The following PELP1 variants were observed in gnomAD, a reference collection of about 807,000 sequenced individuals.
The protein encoded by PELP1 is proline, glutamate and leucine rich protein 1.
PELP1 carries 32 observed loss-of-function variants against 95.5 expected under a neutral mutation model. That is an observed-to-expected ratio of 0.34 (90% CI 0.25 to 0.45). The LOEUF is 0.45. Ranked by LOEUF, PELP1 falls within the 20% of genes least tolerant of loss-of-function variation. The pLI, the probability that PELP1 is intolerant of heterozygous loss-of-function variation, is 1.00. For synonymous variants in PELP1, 668 were observed against 600.1 expected (o/e 1.11, Z -1.65); for missense variants, 1,358 against 1,444.8 (o/e 0.94, Z 0.97).
chr17:4,692,080 T>C (rs974037845), intron 1 of PELP1, among the ~76,000 whole-genome samples: 1 of 152,068 alleles, frequency 6.6e-6, no homozygotes, highest in African/African-American at 2.4e-5. Context: ...ACACATACAC[T>C]ATGCATGAGG....
intron 3 of PELP1, among the ~76,000 whole-genome samples, chr17:4,684,047 A>G (rs9899501): frequency 0.98 from 148,614 of 151,994 alleles, 72,738 homozygotes; most frequent in Middle Eastern, 1. Flanking sequence ...GTTGTTGCTA[A>G]CTGGCTCAAA....
chr17:4,682,636 C>T, intron 4 of PELP1, 63 bp from the exon 5 acceptor site: 2 of 1,472,270 alleles, frequency 1.4e-6, no homozygotes, highest in South Asian at 1.1e-5. Flanking sequence ...ATTCCATCTC[C>T]CCCAGCACCC....
intron 1 of PELP1, among the ~76,000 whole-genome samples, chr17:4,703,605 T>C (rs1913637896): frequency 6.6e-6 from 1 of 152,186 alleles, no homozygotes; most frequent in East Asian, 1.9e-4. Flanking sequence ...TGACCGGGCC[T>C]GGAACCTAAT....
At chr17:4,696,828 A>G (rs1451138656) in intron 1 of PELP1, 1 of 152,204 alleles carries the variant, frequency 6.6e-6, no homozygotes, top group Non-Finnish European at 1.5e-5. Flanking sequence ...AGAAGGGTCC[A>G]AGATAATGCC....
At chr17:4,674,725 C>A in intron 12 of PELP1, 56 bp from the exon 13 acceptor site, 1 of 1,586,876 alleles carries the variant, frequency 6.3e-7, no homozygotes, top group South Asian at 1.1e-5. Context: ...GGCAAGACAG[C>A]CACAGCAGAC....
At position 4,671,889 on chromosome 17, in the gene PELP1, C is replaced by G. The variant is rs1373822368; in HGVS notation, c.3102G>C (p.Gln1034His). 1.3e-6 allele frequency: 2 copies of G among 1,514,612 alleles called. No individual in the cohort carries two copies. The highest frequency in any genetic ancestry group is 1.8e-6 in the Non-Finnish European group (2 of 1,135,166). 93.8% of individuals were successfully genotyped at this position (1,514,612 alleles called of 1,614,324 possible). ...TTTCCCCTTCCCTCTCCACCTCTCC[C>G]TGGGAGGGGAGCGCTTCAGGGGCCA... ...PTLAPEALPS[Q>H]GEVEREGESP... is the part of the protein sequence containing the mutation. Residue 1034 changes from glutamine to histidine, a missense_variant, in exon 16 of 17, where the codon CAG becomes CAC. Transcript: ENST00000572293.
rs1357181876 is a variant in PELP1, at chr17:4,674,949, G to A, written c.1282C>T (p.Arg428Trp). The A allele has an allele frequency of 1.9e-6, 3 of 1,610,936 alleles. No homozygotes were observed. Among genetic ancestry groups the A allele is most frequent in the Non-Finnish European group, 2.5e-6 (3 of 1,177,832 alleles). ...TCTAATATCGCATACACCTTGGTCC[G>A]AACCGTGCTGTGTCATGAGCAAAGA... ...PGQERPYSTVRTKVYAILELW... is the reference protein window; with the variant it reads ...PGQERPYSTVWTKVYAILELW... The change falls in exon 12 of 17, where the codon CGG becomes TGG. Residue 428 changes from arginine to tryptophan, a missense_variant. By Grantham distance (101) the Arg-to-Trp change is moderately radical. Around this residue, in one of 7 missense-constraint regions of PELP1, gnomAD observed 538 missense variants for 628.1 expected, o/e 0.86. Coordinates refer to ENST00000572293, the MANE Select transcript of PELP1 (RefSeq NM_014389.3).
chr17:4,697,624 TAA>T (rs1473752880), intron 1 of PELP1, among the ~76,000 whole-genome samples: 1 of 152,206 alleles, frequency 6.6e-6, no homozygotes, highest in African/African-American at 2.4e-5. Flanking sequence ...ATGGTAGCGA[TAA>T]GTCAAATATG....
chr17:4,686,247 C>G (rs1267243360), intron 3 of PELP1, among the ~76,000 whole-genome samples: 2 of 152,172 alleles, frequency 1.3e-5, no homozygotes, highest in South Asian at 4.1e-4. Context: ...TTTCTTCCCA[C>G]ACCTCCAAAC....
In PELP1 at chr17:4,675,253, A is replaced by G; in HGVS notation, c.1157+21T>C. 3.1e-6 allele frequency: 5 copies of G among 1,590,530 alleles called. No individual in the cohort carries two copies. The highest frequency in any genetic ancestry group is 4.3e-6 in the Non-Finnish European group (5 of 1,168,764). On this transcript the variant is annotated intron_variant, in intron 10 of 16. Coordinates refer to ENST00000572293, the MANE Select transcript of PELP1 (RefSeq NM_014389.3). The surrounding 1 kb of genome is among the most constrained non-coding windows in gnomAD (Gnocchi z 4.3). The stretch of plus-strand genomic sequence containing the variant: ...CTGGCACGCCCTATCCCTTCACCAC[A>G]GCCAGCCCAATCCCACTCACGCGAG...
At chr17:4,698,181 G>A (rs978378095) in intron 1 of PELP1, among the ~76,000 whole-genome samples, 2 of 151,904 alleles carry the variant, frequency 1.3e-5, no homozygotes, top group African/African-American at 4.8e-5. Context: ...TATTCTTGCT[G>A]AAAACGCACA....
chr17:4,671,358 G>C lies in PELP1; in HGVS notation c.*81C>G. 1.2e-6 allele frequency: 1 copy of C among 811,230 alleles called. No individual in the cohort carries two copies. 50.3% of individuals were successfully genotyped at this position (811,230 alleles called of 1,614,324 possible). A position where few individuals can be genotyped will look rare whatever the true frequency, so the allele number is the denominator to read the frequency against. ...ACTTGAGCTTCTGGCTGGGGACCCA[G>C]GTGTGGCAAAAGGCAGAAGCAGCAG... is the stretch of plus-strand genomic sequence containing the variant. On this transcript the variant is annotated 3_prime_UTR_variant, in exon 17 of 17. Transcript: ENST00000572293.
intron 1 of PELP1, among the ~76,000 whole-genome samples, chr17:4,702,401 A>G (rs1913576205): frequency 6.6e-6 from 1 of 152,106 alleles, no homozygotes; most frequent in Non-Finnish European, 1.5e-5. Context: ...CCTGGGTGAC[A>G]GAGTAAGACC....
At position 4,673,370 on chromosome 17, in the gene PELP1, G is replaced by A. The variant is rs753032441; in HGVS notation, c.1725C>T (p.Cys575=). 2 of 1,596,478 alleles carry A rather than the reference G, an allele frequency of 1.3e-6. No individual in the cohort carries two copies. The highest frequency in any genetic ancestry group is 2.3e-5 in the South Asian group (2 of 88,308). ...GCAGCAGGCAGTAGAGTTCACGGCG[G>A]CAGCGGGAGCTCGTGTACGGGGAGC... The part of the protein sequence containing the change: ...LGSSPYTSSR[C]RRELYCLLLA... Residue 575 remains cysteine (C), a synonymous_variant, in exon 15 of 17, where the codon TGC becomes TGT. Transcript: ENST00000572293. The surrounding 1 kb of genome is among the most constrained non-coding windows in gnomAD (Gnocchi z 5.7).
rs868242387 is a variant in PELP1 at position 4,672,514 on chromosome 17, T to C, written c.2477A>G (p.Lys826Arg). The C allele has an allele frequency of 6.4e-7, 1 of 1,556,824 alleles. No individual in the cohort carries two copies. The highest frequency in any genetic ancestry group is 2.4e-5 in the East Asian group (1 of 41,932). The change falls in exon 16 of 17, where the codon AAG (lysine) becomes AGG (arginine). Residue 826 changes from lysine to arginine, a missense_variant. Transcript: ENST00000572293. The stretch of plus-strand genomic sequence containing the variant: ...TGCAGGAAGTTCTTCAGGCTCCTCC[T>C]TCGCTGGCACAGGAGGGGAGGCTGT... The part of the protein sequence containing the change: ...PPTASPPVPA[K>R]EEPEELPAAP...
At chr17:4,702,896 C>T (rs1913600269) in intron 1 of PELP1, among the ~76,000 whole-genome samples, 1 of 151,938 alleles carries the variant, frequency 6.6e-6, no homozygotes, top group Non-Finnish European at 1.5e-5. Flanking sequence ...GTGCCTTCAC[C>T]CGGACAAGAT....
Position 4,672,505 on chromosome 17 carries a change from G to A in PELP1, c.2486C>T (p.Pro829Leu), listed in dbSNP as rs573113029. Reference protein sequence around the residue: ...ASPPVPAKEEPEELPAAPGPL... With the variant: ...ASPPVPAKEELEELPAAPGPL... ...CCCTGGGGCTGCAGGAAGTTCTTCA[G>A]GCTCCTCCTTCGCTGGCACAGGAGG... The change falls in exon 16 of 17, where the codon CCT becomes CTT. Residue 829 changes from proline (P) to leucine (L), a missense_variant. Physicochemically the swap from Pro to Leu is moderately conservative, Grantham distance 98 (BLOSUM62 -3). Coordinates refer to ENST00000572293, the MANE Select transcript of PELP1 (RefSeq NM_014389.3). The A allele has an allele frequency of 1.9e-6, 3 of 1,581,112 alleles. No individual in the cohort carries two copies. Among genetic ancestry groups the A allele is most frequent in the African/African-American group, 2.7e-5 (2 of 74,330 alleles).
chr17:4,671,742 A>G lies in PELP1; in HGVS notation c.3249T>C (p.Pro1083=), dbSNP rs1224762024. Residue 1083 remains proline, a synonymous_variant, in exon 16 of 17, where the codon CCT becomes CCC. Coordinates refer to ENST00000572293, the MANE Select transcript of PELP1 (RefSeq NM_014389.3). The stretch of plus-strand genomic sequence containing the variant: ...TCTCTGTCTCCATCTCTTCTTCTGC[A>G]GGTGTCTCTGGTGGGGGCTGCACCT... ...SDKVQPPPET[P]AEEEMETETE... The G allele has an allele frequency of 6.5e-7, 1 of 1,531,508 alleles. No homozygotes were observed. Among genetic ancestry groups the G allele is most frequent in the Non-Finnish European group, 8.7e-7 (1 of 1,144,680 alleles). 94.9% of individuals were successfully genotyped at this position (1,531,508 alleles called of 1,614,324 possible).
At chr17:4,697,471 G>A (rs890688816) in intron 1 of PELP1, among the ~76,000 whole-genome samples, 9 of 152,170 alleles carry the variant, frequency 5.9e-5, no homozygotes, top group African/African-American at 1.7e-4. Context: ...CTATGATCGC[G>A]CCACTGCACT....
Sources: allele counts gnomAD v4.1 joint callset (sites outside exome capture counted in the v4.1 genomes callset), GRCh38; gene constraint gnomAD v4.1.1; regional missense constraint gnomAD v4.1.1; non-coding constraint Gnocchi (gnomAD v3.1); transcripts MANE v1.5; gene names NCBI Gene and HGNC (gene_info 2026-07-23, HGNC 2026-07-21).